GNB4: variants seen among roughly 807,000 people sequenced by gnomAD.
GNB4 encodes G protein subunit beta 4.
A neutral mutation model predicts 45.2 loss-of-function variants in GNB4; 28 were observed. The observed-to-expected ratio is 0.62, with a 90% CI of 0.46 to 0.85. The LOEUF (loss-of-function observed/expected upper bound fraction) is 0.85. Ranked by LOEUF, GNB4 falls within the 40% of genes least tolerant of loss-of-function variation. GNB4 has a pLI of 0.00. For synonymous variants in GNB4, 132 were observed against 143.7 expected, an observed-to-expected ratio of 0.92 and a Z score of 0.58; for missense variants, 321 against 425.4, an observed-to-expected ratio of 0.75 and a Z score of 2.16.
At chr3:179,423,516 G>A (rs889005703) in intron 2 of GNB4, among the ~76,000 whole-genome samples, 2 of 152,234 alleles carry the variant, frequency 1.3e-5, no homozygotes, top group Non-Finnish European at 2.9e-5. Flanking sequence ...GGGCGTGGTG[G>A]CTTACGCCTG....
At chr3:179,447,608 G>GGA (rs1477412250) in intron 1 of GNB4, among the ~76,000 whole-genome samples, 2 of 152,150 alleles carry the variant, frequency 1.3e-5, no homozygotes, top group Non-Finnish European at 2.9e-5. Flanking sequence ...CTGGCTGGTG[G>GGA]GAGACAGAGA....
chr3:179,492,873 A>C, the GNB4 span, among the ~76,000 whole-genome samples: 1 of 152,216 alleles, frequency 6.6e-6, no homozygotes, highest in Non-Finnish European at 1.5e-5. Context: ...TGAAGTCCAC[A>C]ACATCCTTTG....
chr3:179,519,908 T>C, the GNB4 span, among the ~76,000 whole-genome samples: 2 of 152,224 alleles, frequency 1.3e-5, no homozygotes, highest in African/African-American at 4.8e-5. Context: ...TGCTACAGCA[T>C]GGTCTTTTAA....
chr3:179,420,988 C>A (rs1254097159), intron 2 of GNB4, 61 bp from the exon 3 acceptor site: 1 of 927,964 alleles, frequency 1.1e-6, no homozygotes, highest in Non-Finnish European at 1.7e-6. Context: ...TAAAGTGATA[C>A]TTTTATTGAA....
intron 1 of GNB4, among the ~76,000 whole-genome samples, chr3:179,447,390 T>TCTCA (rs1377804412): frequency 2.1e-5 from 3 of 144,352 alleles, no homozygotes; most frequent in African/African-American, 7.7e-5. Flanking sequence ...TCAGATGGGG[T>TCTCA]CTCACTCTAT....
In GNB4 at chr3:179,414,939, A is replaced by C. The variant is rs749350111; in HGVS notation, c.376T>G (p.Leu126Val). The C allele has an allele frequency of 6.2e-7, 1 of 1,606,902 alleles. No individual in the cohort carries two copies. Among genetic ancestry groups the C allele is most frequent in the South Asian group, 1.1e-5 (1 of 89,932 alleles). Residue 126 changes from leucine (L) to valine (V), a missense_variant, in exon 6 of 10, where the codon TTA (leucine) becomes GTA (valine). Leu to Val is a conservative substitution (Grantham distance 32). Transcript: ENST00000232564. ...GLDNICSIYN[L>V]KTREGNVRVS... ...CTCACATTTCCCTCTCTGGTCTTTA[A>C]GTTATATATAGAGCAGATGTTGTCC...
the GNB4 span, among the ~76,000 whole-genome samples, chr3:179,517,666 T>G: frequency 7.1e-6 from 1 of 141,684 alleles, no homozygotes; most frequent in African/African-American, 2.7e-5. Flanking sequence ...CCAACCTCTC[T>G]TGCTATCCCT....
At chr3:179,495,212 ACT>A in the GNB4 span, among the ~76,000 whole-genome samples, 27 of 151,992 alleles carry the variant, frequency 1.8e-4, no homozygotes, top group African/African-American at 6.5e-4. Flanking sequence ...AGATAGCGAG[ACT>A]CTGTCTCAAA....
chr3:179,471,524 G>A, the GNB4 span, among the ~76,000 whole-genome samples: 4 of 152,194 alleles, frequency 2.6e-5, no homozygotes, highest in African/African-American at 9.7e-5. Flanking sequence ...ATGCAGTATA[G>A]GCTTGTAGCC....
At chr3:179,417,381 T>C (rs1422031075) in intron 4 of GNB4, among the ~76,000 whole-genome samples, 1 of 151,456 alleles carries the variant, frequency 6.6e-6, no homozygotes, top group African/African-American at 2.4e-5. Context: ...TAAGTAATTT[T>C]AGCCACTAAA....
chr3:179,416,580 A>T, intron 4 of GNB4, 24 bp from the exon 5 acceptor site: 10 of 1,495,540 alleles, frequency 6.7e-6, no homozygotes, highest in Non-Finnish European at 9.2e-6. Context: ...CACAAAAATA[A>T]TTTGACACTT....
At chr3:179,513,257 C>T in the GNB4 span, among the ~76,000 whole-genome samples, 2 of 144,846 alleles carry the variant, frequency 1.4e-5, no homozygotes, top group African/African-American at 5.1e-5. Context: ...GATCACTGCT[C>T]ACTCTAGCCT....
At chr3:179,442,219 TG>T (rs1715613985) in intron 1 of GNB4, among the ~76,000 whole-genome samples, 1 of 152,232 alleles carries the variant, frequency 6.6e-6, no homozygotes, top group African/African-American at 2.4e-5. Flanking sequence ...TATGAGAATG[TG>T]GCTGAACTCA....
At chr3:179,476,808 T>C in the GNB4 span, among the ~76,000 whole-genome samples, 1 of 152,348 alleles carries the variant, frequency 6.6e-6, no homozygotes, top group East Asian at 1.9e-4. Context: ...CCTGCTTGAG[T>C]TACAGCCAGG....
intron 8 of GNB4, among the ~76,000 whole-genome samples, chr3:179,406,928 C>T (rs1714490768): frequency 6.6e-6 from 1 of 152,058 alleles, no homozygotes; most frequent in South Asian, 2.1e-4. Flanking sequence ...CTTTTAATTA[C>T]TTTTTAAAAA....
chr3:179,498,756 T>TTTTG, the GNB4 span, among the ~76,000 whole-genome samples: 1 of 145,610 alleles, frequency 6.9e-6, no homozygotes, highest in South Asian at 2.2e-4. Context: ...TTGGTTTTTT[T>TTTTG]TTTTTTTTTT....
chr3:179,508,956 A>ATATATATATATATATATATATATATG, the GNB4 span, among the ~76,000 whole-genome samples: 1 of 145,362 alleles, frequency 6.9e-6, no homozygotes, highest in African/African-American at 2.6e-5. Context: ...ATATATATAT[A>ATATATATATATATATATATATATATG]GTCCCTGTAA....
At chr3:179,465,251 G>A in the GNB4 span, 307 of 1,481,626 alleles carry the variant, frequency 2.1e-4, no homozygotes, top group East Asian at 3.8e-3. Flanking sequence ...ACAAAAAGCC[G>A]GTTATATCAC....
At chr3:179,434,188 T>C (rs1715383192) in intron 1 of GNB4, among the ~76,000 whole-genome samples, 2 of 151,880 alleles carry the variant, frequency 1.3e-5, no homozygotes, top group South Asian at 2.1e-4. Context: ...GCACTACTTA[T>C]AATAACAATA....
Sources: allele counts gnomAD v4.1 joint callset (sites outside exome capture counted in the v4.1 genomes callset), GRCh38; gene constraint gnomAD v4.1.1; transcripts MANE v1.5; gene names NCBI Gene and HGNC (gene_info 2026-07-23, HGNC 2026-07-21).